Variants in BCO1 observed in about 807,000 individuals in gnomAD.
BCO1 encodes beta,beta-carotene 15,15'-dioxygenase.
Under a neutral mutation model 56.3 loss-of-function variants are expected in BCO1, and 54 were observed. That is an observed-to-expected ratio of 0.96 (90% CI 0.77 to 1.20). BCO1 has a LOEUF of 1.20. Among genes scored for constraint, BCO1 ranks in the 50% most tolerant of loss-of-function variants. BCO1 has a pLI of 0.00. For synonymous variants in BCO1, 318 were observed against 266.1 expected (o/e 1.20, Z -1.90); for missense variants, 801 against 690.9 (o/e 1.16, Z -1.79).
chr16:81,250,879 C>A (rs1182355974), intron 2 of BCO1, among the ~76,000 whole-genome samples: 2 of 152,046 alleles, frequency 1.3e-5, no homozygotes, highest in Non-Finnish European at 2.9e-5. Flanking sequence ...CCGCGTCTGG[C>A]CATTCAGTAA....
intron 2 of BCO1, among the ~76,000 whole-genome samples, chr16:81,248,405 CAAAAAA>C (rs372084002): frequency 4.8e-4 from 49 of 102,828 alleles, no homozygotes; most frequent in Admixed American, 1.1e-3. Flanking sequence ...CTCCCTCTCA[CAAAAAA>C]AAAAAAAAAA....
chr16:81,243,483 T>TCA (rs80026782), intron 1 of BCO1, among the ~76,000 whole-genome samples: 8 of 151,988 alleles, frequency 5.3e-5, no homozygotes, highest in East Asian at 1.9e-4. Context: ...ATTCATTCAT[T>TCA]TATGAGACGG....
At chr16:81,273,639 C>CTT (rs59815701) in intron 7 of BCO1, among the ~76,000 whole-genome samples, 2,171 of 146,286 alleles carry the variant, frequency 0.015, 46 homozygotes, top group African/African-American at 0.049. Context: ...TTTAAAAATC[C>CTT]TTTTTTTTTT....
chr16:81,264,493 A>C, intron 4 of BCO1, 147 bp from the exon 5 acceptor site: 1 of 1,004,626 alleles, frequency 1.0e-6, no homozygotes, highest in East Asian at 2.5e-5. Context: ...AACAGAGTGC[A>C]AAAATATCCC....
chr16:81,260,122 T>TAGAAAATGACACATAA (rs1906394132), intron 3 of BCO1, among the ~76,000 whole-genome samples: 2 of 152,190 alleles, frequency 1.3e-5, no homozygotes, highest in African/African-American at 4.8e-5. Flanking sequence ...ATGCACCAGG[T>TAGAAAATGACACATAA]ATTTGTCATT....
At chr16:81,284,270 ATATT>A (rs1908048241) in intron 8 of BCO1, among the ~76,000 whole-genome samples, 2 of 990 alleles carry the variant, frequency 2.0e-3, no homozygotes, top group African/African-American at 2.9e-3. Context: ...ATATATTTAT[ATATT>A]TATATATAAA....
intron 2 of BCO1, among the ~76,000 whole-genome samples, chr16:81,259,344 A>C (rs1043142594): frequency 6.6e-6 from 1 of 151,832 alleles, no homozygotes; most frequent in African/African-American, 2.4e-5. Flanking sequence ...AAATACAAAA[A>C]TTTGCTGGTC....
intron 6 of BCO1, 140 bp downstream of exon 6, chr16:81,268,271 C>T: frequency 1.2e-6 from 1 of 800,836 alleles, no homozygotes; most frequent in Non-Finnish European, 2.1e-6. Context: ...CACCTTCCAG[C>T]AAGTTCTGAA....
chr16:81,272,970 T>G (rs907982940), intron 7 of BCO1, among the ~76,000 whole-genome samples: 1 of 151,874 alleles, frequency 6.6e-6, no homozygotes, highest in Non-Finnish European at 1.5e-5. Context: ...AACCCCCATT[T>G]TTTTTTTCTT....
In BCO1 at chr16:81,262,213, A is replaced by ACTT; in HGVS notation, c.404_406dup (p.Phe135dup). ...ATCAACATCATGAAGTGCGGAGAAG[A>ACTT]CTTCTACGCGACCTCAGAGACCAAT... is the stretch of plus-strand genomic sequence containing the variant. On this transcript the variant is annotated inframe_insertion, in exon 4 of 11. Transcript: ENST00000258168. The ACTT allele has an allele frequency of 1.2e-6, 2 of 1,613,620 alleles. No homozygotes were observed. The highest frequency in any genetic ancestry group is 1.7e-6 in the Non-Finnish European group (2 of 1,179,564).
Position 81,238,829 on chromosome 16 carries a change from G to T in BCO1, c.-80G>T, listed in dbSNP as rs1904976029. The T allele has an allele frequency of 8.9e-6, 11 of 1,229,586 alleles. No homozygotes were observed. Among genetic ancestry groups the T allele is most frequent in the Middle Eastern group, 1.9e-4 (1 of 5,276 alleles). The allele number at this position is 1,229,586 out of a possible 1,614,324, so 76.2% of individuals were successfully genotyped here. On this transcript the variant is annotated 5_prime_UTR_variant, in exon 1 of 11. Transcript: ENST00000258168. Reference sequence around the variant, plus strand: ...GCAGGAGAGCAGGAAGGAAACGCAGGAGGAGGGAGCAGCATCTCCTGTGAA... The same window carrying T: ...GCAGGAGAGCAGGAAGGAAACGCAGTAGGAGGGAGCAGCATCTCCTGTGAA...
chr16:81,287,252 C>G (rs1315580894), intron 9 of BCO1, 43 bp from the exon 10 acceptor site: 2 of 1,424,370 alleles, frequency 1.4e-6, no homozygotes, highest in African/African-American at 2.8e-5. Flanking sequence ...ATAGTATTCT[C>G]TCAAACAAGT....
chr16:81,288,141 C>T (rs1053852156), intron 10 of BCO1, among the ~76,000 whole-genome samples: 3 of 152,180 alleles, frequency 2.0e-5, no homozygotes, highest in African/African-American at 7.2e-5. Flanking sequence ...CAAAAGCCAG[C>T]CCCCTCTTTA....
At chr16:81,283,571 G>A (rs1030381452) in intron 8 of BCO1, among the ~76,000 whole-genome samples, 1 of 152,020 alleles carries the variant, frequency 6.6e-6, no homozygotes, top group Non-Finnish European at 1.5e-5. Flanking sequence ...TGAGGTCAAG[G>A]GCAGGCACCT....
chr16:81,250,097 A>G (rs1173916024), intron 2 of BCO1, among the ~76,000 whole-genome samples: 1 of 152,130 alleles, frequency 6.6e-6, no homozygotes, highest in Admixed American at 6.6e-5. Flanking sequence ...GTCCATCCAC[A>G]ACTCAGCCCT....
intron 10 of BCO1, among the ~76,000 whole-genome samples, chr16:81,289,570 G>C (rs1440740461): frequency 6.6e-6 from 1 of 152,190 alleles, no homozygotes; most frequent in Non-Finnish European, 1.5e-5. Flanking sequence ...GAGCCCAAGA[G>C]ATCGAGATTG....
chr16:81,250,895 T>G lies in BCO1; in HGVS notation c.193+5292T>G, dbSNP rs1173949473. Among the ~76,000 whole-genome samples the G allele has an allele frequency of 2.0e-5, 3 of 152,164 alleles. No homozygotes were observed. The East Asian group carries it at 5.8e-4, about 29-fold the overall frequency. On this transcript the variant is annotated intron_variant, in intron 2 of 10. Coordinates refer to ENST00000258168, the MANE Select transcript of BCO1 (RefSeq NM_017429.3). ...CGCGTCTGGCCATTCAGTAAAGCTT[T>G]GAATCCTGAAAGCTGCACAGGGCTT...
At chr16:81,281,173 C>T (rs1005817876) in intron 8 of BCO1, among the ~76,000 whole-genome samples, 11 of 152,164 alleles carry the variant, frequency 7.2e-5, no homozygotes, top group African/African-American at 2.7e-4. Flanking sequence ...AGGCCAGGCA[C>T]GGTGGCTCCC....
intron 2 of BCO1, 102 bp downstream of exon 2, chr16:81,245,705 A>C (rs1905365386): frequency 4.7e-6 from 7 of 1,477,554 alleles, no homozygotes; most frequent in Admixed American, 1.9e-5. Context: ...TGGAGGTCAG[A>C]AGTCTAAATC....
Sources: allele counts gnomAD v4.1 joint callset (sites outside exome capture counted in the v4.1 genomes callset), GRCh38; gene constraint gnomAD v4.1.1; transcripts MANE v1.5; gene names NCBI Gene and HGNC (gene_info 2026-07-23, HGNC 2026-07-21).